The following NEO1 variants were observed in gnomAD, a reference collection of about 807,000 sequenced individuals.
The protein encoded by NEO1 is neogenin 1.
Under a neutral mutation model 159.7 loss-of-function variants are expected in NEO1, and 63 were observed. The observed-to-expected ratio is 0.39, with a 90% CI of 0.32 to 0.49. The LOEUF (loss-of-function observed/expected upper bound fraction) is 0.49, where lower values mean the gene tolerates loss of function less well. Among genes scored for constraint, NEO1 ranks in the 20% least tolerant of loss-of-function variants. The pLI, the probability that NEO1 is intolerant of heterozygous loss-of-function variation, is 0.85. For synonymous variants in NEO1, 633 were observed against 662.0 expected, an observed-to-expected ratio of 0.96 and a Z score of 0.67; for missense variants, 1,615 against 1,831.0, an observed-to-expected ratio of 0.88 and a Z score of 2.15.
At chr15:73,209,667 GC>G (rs1170029697) in intron 7 of NEO1, among the ~76,000 whole-genome samples, 16 of 152,240 alleles carry the variant, frequency 1.1e-4, no homozygotes, top group Non-Finnish European at 2.4e-4. Context: ...CACACCATTA[GC>G]AATTCTGATT....
chr15:73,066,993 C>G lies in NEO1; in HGVS notation c.130+14188C>G, dbSNP rs1455781839. Reference sequence around the variant, plus strand: ...TTTGTCTAGTTTCTTTAGTTATTCTCAGCGGGAGAATTGGTCTAAACCATC... The same window carrying G: ...TTTGTCTAGTTTCTTTAGTTATTCTGAGCGGGAGAATTGGTCTAAACCATC... On this transcript the variant is annotated intron_variant, in intron 1 of 28. Transcript: ENST00000261908. 1.3e-5 allele frequency among the ~76,000 whole-genome samples: 2 copies of G among 152,202 alleles called. 1 individual carries two copies. The highest frequency in any genetic ancestry group is 2.9e-5 in the Non-Finnish European group (2 of 68,024).
intron 5 of NEO1, among the ~76,000 whole-genome samples, chr15:73,172,165 G>T (rs770145978): frequency 6.6e-6 from 1 of 152,050 alleles, no homozygotes; most frequent in African/African-American, 2.4e-5. Flanking sequence ...AACGTAATAG[G>T]TACATAGGAT....
At chr15:73,144,746 C>T (rs2032739961) in intron 5 of NEO1, among the ~76,000 whole-genome samples, 1 of 152,162 alleles carries the variant, frequency 6.6e-6, no homozygotes. Context: ...AATCGCATGT[C>T]CAAAATTGAA....
chr15:73,091,175 G>T (rs2069669802), intron 1 of NEO1, among the ~76,000 whole-genome samples: 1 of 152,092 alleles, frequency 6.6e-6, no homozygotes, highest in Non-Finnish European at 1.5e-5. Flanking sequence ...CGTTTTCCTG[G>T]TTGTATATTT....
chr15:73,110,335 A>G (rs1431089963), intron 1 of NEO1, among the ~76,000 whole-genome samples: 1 of 152,258 alleles, frequency 6.6e-6, no homozygotes, highest in Admixed American at 6.5e-5. Flanking sequence ...TTGTAGGTAT[A>G]TAAAAATGCT....
At chr15:73,106,016 G>A (rs891932980) in intron 1 of NEO1, among the ~76,000 whole-genome samples, 1 of 152,010 alleles carries the variant, frequency 6.6e-6, no homozygotes, top group Non-Finnish European at 1.5e-5. Context: ...AGTTATTACT[G>A]AACTTTTAAT....
intron 1 of NEO1, among the ~76,000 whole-genome samples, chr15:73,093,603 G>T (rs1031847282): frequency 4.0e-5 from 6 of 148,594 alleles, no homozygotes; most frequent in Admixed American, 1.3e-4. Flanking sequence ...ATACAAGGTC[G>T]TGCTCTGTCA....
chr15:73,249,585 T>C lies in NEO1; in HGVS notation c.1758T>C (p.Asp586=). Residue 586 remains aspartate, a splice_region_variant and synonymous_variant, in exon 11 of 29, where the codon GAT becomes GAC. Coordinates refer to ENST00000261908, the MANE Select transcript of NEO1 (RefSeq NM_002499.4). ...YMEKGTDKEQ[D]VDVSSHSYTI... ...TAAAGTGTTTTATTTTATTCAAGGA[T>C]GTTGATGTTTCAAGTCACTCTTACA... The C allele has an allele frequency of 6.3e-7, 1 of 1,598,630 alleles. No individual in the cohort carries two copies. Among genetic ancestry groups the C allele is most frequent in the Admixed American group, 1.8e-5 (1 of 55,150 alleles).
In NEO1 at chr15:73,257,132, CAAAAAA is replaced by C. The variant is rs10623334; in HGVS notation, c.2093-1618_2093-1613del. Reference sequence around the variant, plus strand: ...GGGCAACAGAGAGAGACTCTGTCTCCAAAAAAAAAAAAAAAAAAAAAGTTTCATATT... The same window carrying C: ...GGGCAACAGAGAGAGACTCTGTCTCCAAAAAAAAAAAAAAAGTTTCATATT... On this transcript the variant is annotated intron_variant, in intron 13 of 28. Coordinates refer to ENST00000261908, the MANE Select transcript of NEO1 (RefSeq NM_002499.4). Among the ~76,000 whole-genome samples, 94 of 54,780 alleles carry C rather than the reference CAAAAAA, an allele frequency of 1.7e-3. 1 individual carries two copies. The highest frequency in any genetic ancestry group is 2.6e-3 in the Admixed American group (8 of 3,030). 35.9% of individuals were successfully genotyped at this position (54,780 alleles called of 152,430 possible).
rs1357026950 is a variant in NEO1 at position 73,178,388 on chromosome 15, A to G, written c.1252A>G (p.Asn418Asp). The change falls in exon 7 of 29, where the codon AAT becomes GAT. Residue 418 changes from asparagine to aspartate, a missense_variant. Physicochemically the swap from Asn to Asp is conservative, Grantham distance 23. Coordinates refer to ENST00000261908, the MANE Select transcript of NEO1 (RefSeq NM_002499.4). The part of the protein sequence containing the change: ...YQCIAENDVG[N>D]AQAGAQLIIL... ...GTGCATTGCTGAAAATGATGTTGGAAATGCACAAGCTGGAGCCCAACTGAT... is the reference window on the plus strand; with the variant it reads ...GTGCATTGCTGAAAATGATGTTGGAGATGCACAAGCTGGAGCCCAACTGAT... 6.2e-7 allele frequency: 1 copy of G among 1,613,876 alleles called. No homozygotes were observed. Among genetic ancestry groups the G allele is most frequent in the South Asian group, 1.1e-5 (1 of 91,070 alleles).
In NEO1 at chr15:73,188,427, A is replaced by G. The variant is rs145552686; in HGVS notation, c.1291+10000A>G. ...TGTTATATCCTGAGATCTTCCTGATATCATTACAGGGGTTCAAAGGCATGG... is the reference window on the plus strand; with the variant it reads ...TGTTATATCCTGAGATCTTCCTGATGTCATTACAGGGGTTCAAAGGCATGG... On this transcript the variant is annotated intron_variant, in intron 7 of 28. Transcript: ENST00000261908. Among the ~76,000 whole-genome samples, 38 of 152,310 alleles carry G rather than the reference A, an allele frequency of 2.5e-4. 1 individual carries two copies. The East Asian group carries it at 6.7e-3, about 27-fold the overall frequency.
chr15:73,283,663 G>T (rs1167816163), intron 23 of NEO1, among the ~76,000 whole-genome samples: 1 of 152,192 alleles, frequency 6.6e-6, no homozygotes, highest in Non-Finnish European at 1.5e-5. Context: ...AACCTCTGGG[G>T]TCAGAGGGCC....
chr15:73,132,856 G>A (rs2031304707), intron 4 of NEO1, among the ~76,000 whole-genome samples: 1 of 152,148 alleles, frequency 6.6e-6, no homozygotes, highest in African/African-American at 2.4e-5. Context: ...CTGCAAGAAT[G>A]GCCATAATCA....
At chr15:73,255,457 A>T (rs1366366357) in intron 13 of NEO1, 1 of 152,124 alleles carries the variant, frequency 6.6e-6, no homozygotes, top group Non-Finnish European at 1.5e-5. Context: ...TTCCTCAAGG[A>T]GGGGAAGTAG....
chr15:73,291,612 C>T (rs2042167531), intron 25 of NEO1, among the ~76,000 whole-genome samples: 1 of 152,152 alleles, frequency 6.6e-6, no homozygotes, highest in African/African-American at 2.4e-5. Flanking sequence ...TCCCCACCTT[C>T]CCTGGTCTTA....
At position 73,288,421 on chromosome 15, in the gene NEO1, A is replaced by G; in HGVS notation, c.3519A>G (p.Lys1173=). 1 of 1,614,074 alleles carries G rather than the reference A, an allele frequency of 6.2e-7. No individual in the cohort carries two copies. The highest frequency in any genetic ancestry group is 1.1e-5 in the South Asian group (1 of 91,080). The part of the protein sequence containing the change: ...LWIHHERLEL[K]PIDKSPDPNP... Reference sequence around the variant, plus strand: ...TCCATCATGAGAGACTGGAGCTGAAACCCATTGATAAGTCTCCAGACCCAA... The same window carrying G: ...TCCATCATGAGAGACTGGAGCTGAAGCCCATTGATAAGTCTCCAGACCCAA... Residue 1173 remains lysine, a synonymous_variant, in exon 24 of 29, where the codon AAA becomes AAG. Coordinates refer to ENST00000261908, the MANE Select transcript of NEO1 (RefSeq NM_002499.4).
chr15:73,203,832 C>T lies in NEO1; in HGVS notation c.1291+25405C>T, dbSNP rs577978039. Among the ~76,000 whole-genome samples the T allele has an allele frequency of 5.3e-5, 8 of 152,168 alleles. No individual in the cohort carries two copies. In the South Asian group the frequency reaches 1.2e-3, roughly 24 times the overall value. ...GTAGCTACCCAGTATATTGTTACTA[C>T]TATTGCTTTAAACAAATCATTACCT... On this transcript the variant is annotated intron_variant, in intron 7 of 28. Coordinates refer to ENST00000261908, the MANE Select transcript of NEO1 (RefSeq NM_002499.4).
chr15:73,239,405 G>T (rs2039377568), intron 8 of NEO1, among the ~76,000 whole-genome samples: 1 of 152,112 alleles, frequency 6.6e-6, no homozygotes, highest in South Asian at 2.1e-4. Flanking sequence ...TTTATTTATA[G>T]CATTGTTTGC....
intron 25 of NEO1, among the ~76,000 whole-genome samples, chr15:73,289,561 G>C (rs996044215): frequency 8.5e-5 from 13 of 152,140 alleles, no homozygotes; most frequent in African/African-American, 3.1e-4. Flanking sequence ...CTCCAGACTA[G>C]AGCTAAGGAT....
Sources: gnomAD v4.1 joint callset for allele counts (sites outside exome capture counted in the v4.1 genomes callset) on GRCh38, gnomAD v4.1.1 for gene constraint, MANE v1.5 for transcripts, NCBI Gene and HGNC (gene_info 2026-07-23, HGNC 2026-07-21) for gene names.